Variants in RHBDL3 observed in about 807,000 individuals in gnomAD.
The protein encoded by RHBDL3 is rhomboid like 3.
RHBDL3 carries 28 observed loss-of-function variants against 48.2 expected under a neutral mutation model. That is an observed-to-expected ratio of 0.58 (90% CI 0.43 to 0.80). The LOEUF (loss-of-function observed/expected upper bound fraction) is 0.80. Among genes scored for constraint, RHBDL3 ranks in the 30% least tolerant of loss-of-function variants. The pLI is 0.00. For missense variants in RHBDL3, 464 were observed against 542.7 expected (o/e 0.85, Z 1.44); for synonymous variants, 208 against 232.3 (o/e 0.90, Z 0.95).
intron 6 of RHBDL3, among the ~76,000 whole-genome samples, chr17:32,299,975 C>A (rs1003086495): frequency 2.0e-5 from 3 of 152,208 alleles, no homozygotes; most frequent in African/African-American, 7.2e-5. Flanking sequence ...TTACAGCCAG[C>A]CAGCCCTAGA....
At chr17:32,267,189 G>C (rs2039652923) in intron 1 of RHBDL3, among the ~76,000 whole-genome samples, 2 of 152,096 alleles carry the variant, frequency 1.3e-5, no homozygotes, top group South Asian at 4.1e-4. Context: ...ATGGGGTTGG[G>C]GGGTAGTTTA....
chr17:32,324,293 C>T lies in RHBDL3; in HGVS notation c.*3064C>T, dbSNP rs771047966. On this transcript the variant is annotated 3_prime_UTR_variant, in exon 9 of 9. Coordinates refer to ENST00000269051, the MANE Select transcript of RHBDL3 (RefSeq NM_138328.3). ...CTCTTTTGCCAGCTAATAGGACTCT[C>T]GATTTCCATGAGAACCATTCTTGCC... 3 of 152,628 alleles carry T rather than the reference C, an allele frequency of 2.0e-5. No individual in the cohort carries two copies. Among genetic ancestry groups the T allele is most frequent in the Non-Finnish European group, 4.4e-5 (3 of 68,042 alleles). 9.5% of individuals were successfully genotyped at this position (152,628 alleles called of 1,614,324 possible).
intron 2 of RHBDL3, among the ~76,000 whole-genome samples, chr17:32,272,906 C>T (rs1260490927): frequency 2.0e-5 from 3 of 152,166 alleles, no homozygotes; most frequent in South Asian, 4.1e-4. Flanking sequence ...CACGGCAGCC[C>T]CTCTGCCACC....
intron 2 of RHBDL3, among the ~76,000 whole-genome samples, chr17:32,276,182 G>T (rs1597616077): frequency 6.6e-6 from 1 of 152,282 alleles, no homozygotes; most frequent in Non-Finnish European, 1.5e-5. Context: ...AAGGTCAGGG[G>T]AAGGGTATGA....
At chr17:32,296,876 C>T (rs1438269085) in intron 5 of RHBDL3, among the ~76,000 whole-genome samples, 1 of 150,914 alleles carries the variant, frequency 6.6e-6, no homozygotes, top group Non-Finnish European at 1.5e-5. Context: ...TGCAATGGTG[C>T]GATCTCGGCT....
At position 32,305,382 on chromosome 17, in the gene RHBDL3, G is replaced by A; in HGVS notation, c.823G>A (p.Val275Met). The A allele has an allele frequency of 1.2e-6, 2 of 1,613,902 alleles. No homozygotes were observed. The highest frequency in any genetic ancestry group is 2.2e-5 in the South Asian group (2 of 91,084). Residue 275 changes from valine (V) to methionine (M), a missense_variant, in exon 7 of 9, where the codon GTG (valine) becomes ATG (methionine). By Grantham distance (21) the Val-to-Met change is conservative. Transcript: ENST00000269051. Reference sequence around the variant, plus strand: ...TGTGGCTGACATGACCGCTCCAGTCGTGGGCTCTTCTGGAGGGGTGTATGC... The same window carrying A: ...TGTGGCTGACATGACCGCTCCAGTCATGGGCTCTTCTGGAGGGGTGTATGC... The part of the protein sequence containing the change: ...VSVADMTAPV[V>M]GSSGGVYALV...
In RHBDL3 at chr17:32,285,607, TAAGC is replaced by T. The variant is rs200608941; in HGVS notation, c.294+792_294+795del. 5.3e-3 allele frequency among the ~76,000 whole-genome samples: 802 copies of T among 152,166 alleles called. 11 individuals carry two copies. The highest frequency in any genetic ancestry group is 0.018 in the African/African-American group (745 of 41,508). ...GCTGTGGACTGGGGTTCAGTGGGGTTAAGCAGGCAGTATTTCACCCACCATGGGA... is the reference window on the plus strand; with the variant it reads ...GCTGTGGACTGGGGTTCAGTGGGGTTAGGCAGTATTTCACCCACCATGGGA... On this transcript the variant is annotated intron_variant, in intron 3 of 8. Coordinates refer to ENST00000269051, the MANE Select transcript of RHBDL3 (RefSeq NM_138328.3).
At chr17:32,268,565 C>T (rs1045848021) in intron 2 of RHBDL3, among the ~76,000 whole-genome samples, 45 of 152,152 alleles carry the variant, frequency 3.0e-4, no homozygotes, top group Non-Finnish European at 6.5e-4. Context: ...AATGGTTCTC[C>T]TCTTAGCATT....
At chr17:32,298,298 A>G (rs1221558028) in intron 6 of RHBDL3, 94 bp downstream of exon 6, 1 of 742,526 alleles carries the variant, frequency 1.3e-6, no homozygotes, top group Non-Finnish European at 2.3e-6. Context: ...TTTCCAGGAC[A>G]CACAGAAGAT....
rs1351304691 is a variant in RHBDL3, at chr17:32,284,704, A to C, written c.181A>C (p.Ser61Arg). The change falls in exon 3 of 9, where the codon AGT becomes CGT. Residue 61 changes from serine to arginine, a missense_variant. Coordinates refer to ENST00000269051, the MANE Select transcript of RHBDL3 (RefSeq NM_138328.3). The part of the protein sequence containing the change: ...TGYISTGKFR[S>R]LLESHSSKLD... ...CTACATTAGCACAGGCAAGTTCCGG[A>C]GTCTTCTGGAGAGCCACAGCTCCAA... 1 of 1,614,018 alleles carries C rather than the reference A, an allele frequency of 6.2e-7. No individual in the cohort carries two copies. Among genetic ancestry groups the C allele is most frequent in the South Asian group, 1.1e-5 (1 of 91,086 alleles).
chr17:32,304,344 C>T (rs1001164910), intron 6 of RHBDL3, among the ~76,000 whole-genome samples: 1 of 152,152 alleles, frequency 6.6e-6, no homozygotes, highest in African/African-American at 2.4e-5. Context: ...TGCTGTTGAA[C>T]AGAGGGAGAG....
intron 1 of RHBDL3, among the ~76,000 whole-genome samples, chr17:32,267,432 G>C (rs965061526): frequency 6.9e-6 from 1 of 145,322 alleles, no homozygotes; most frequent in Non-Finnish European, 1.5e-5. Flanking sequence ...AGTTCTCCTG[G>C]GGGGGGAGGG....
chr17:32,314,389 T>A (rs1452889485), intron 7 of RHBDL3, among the ~76,000 whole-genome samples: 1 of 151,862 alleles, frequency 6.6e-6, no homozygotes, highest in African/African-American at 2.4e-5. Flanking sequence ...TTTTTTATTT[T>A]TATTTTTTTT....
At chr17:32,292,707 CAGGAG>C (rs1198861964) in intron 4 of RHBDL3, among the ~76,000 whole-genome samples, 1 of 146,998 alleles carries the variant, frequency 6.8e-6, no homozygotes, top group East Asian at 2.0e-4. Context: ...GAGGCTGAGG[CAGGAG>C]AATTGCTTGA....
At chr17:32,301,789 C>T (rs531200435) in intron 6 of RHBDL3, among the ~76,000 whole-genome samples, 1 of 152,106 alleles carries the variant, frequency 6.6e-6, no homozygotes, top group Non-Finnish European at 1.5e-5. Context: ...TCATTGCACC[C>T]CAGCCTGGGC....
intron 2 of RHBDL3, among the ~76,000 whole-genome samples, chr17:32,278,069 A>T (rs2039955770): frequency 6.6e-6 from 1 of 152,138 alleles, no homozygotes; most frequent in Admixed American, 6.5e-5. Flanking sequence ...AGGCTGAGGC[A>T]GGCAGATCAC....
Position 32,321,011 on chromosome 17 carries a change from C to T in RHBDL3, c.997C>T (p.Pro333Ser), listed in dbSNP as rs1023578992. Residue 333 changes from proline to serine, a missense_variant, in exon 9 of 9, where the codon CCC becomes TCC. Coordinates refer to ENST00000269051, the MANE Select transcript of RHBDL3 (RefSeq NM_138328.3). ...VWLRFHPSAY[P>S]PCPHPSFVAH... is the part of the protein sequence containing the mutation. ...GCTCCGCTTCCACCCGTCGGCCTAT[C>T]CCCCGTGCCCTCACCCAAGCTTTGT... 3 of 1,614,098 alleles carry T rather than the reference C, an allele frequency of 1.9e-6. No homozygotes were observed. The highest frequency in any genetic ancestry group is 2.5e-6 in the Non-Finnish European group (3 of 1,179,996).
chr17:32,283,473 A>G (rs58040221), intron 2 of RHBDL3, among the ~76,000 whole-genome samples: 4,574 of 151,246 alleles, frequency 0.03, 216 homozygotes, highest in African/African-American at 0.1. Context: ...ACAGGCGCAC[A>G]CCACCACGCC....
intron 1 of RHBDL3, 129 bp downstream of exon 1, chr17:32,266,429 TCC>T: frequency 2.2e-6 from 1 of 456,648 alleles, no homozygotes; most frequent in Non-Finnish European, 3.8e-6. Context: ...ATTGGCCGGG[TCC>T]CCGCGGGCAG....
Sources: gnomAD v4.1 joint callset for allele counts (sites outside exome capture counted in the v4.1 genomes callset) on GRCh38, gnomAD v4.1.1 for gene constraint, MANE v1.5 for transcripts, NCBI Gene and HGNC (gene_info 2026-07-23, HGNC 2026-07-21) for gene names.